The following PCDH15 variants were observed in gnomAD, a reference collection of about 807,000 sequenced individuals.
The protein encoded by PCDH15 is protocadherin-15.
PCDH15 carries 129 observed loss-of-function variants against 178.5 expected under a neutral mutation model. That is an observed-to-expected ratio of 0.72 (90% CI 0.63 to 0.84). PCDH15 has a LOEUF of 0.84. Ranked by LOEUF, PCDH15 falls within the 40% of genes least tolerant of loss-of-function variation. The probability of loss-of-function intolerance (pLI) is 0.00; values close to 1 mark genes in which losing one functional copy is unlikely to be tolerated. For synonymous variants in PCDH15, 800 were observed against 732.0 expected, an observed-to-expected ratio of 1.09 and a Z score of -1.50; for missense variants, 2,230 against 2,099.9, an observed-to-expected ratio of 1.06 and a Z score of -1.21.
chr10:54,319,534 G>A (rs2061464648), intron 7 of PCDH15, among the ~76,000 whole-genome samples: 1 of 152,134 alleles, frequency 6.6e-6, no homozygotes, highest in Non-Finnish European at 1.5e-5. Context: ...GAAAGCAACT[G>A]CATGAGTGGT....
intron 2 of PCDH15, among the ~76,000 whole-genome samples, chr10:55,614,430 G>T (rs1365140629): frequency 6.6e-6 from 1 of 152,098 alleles, no homozygotes; most frequent in African/African-American, 2.4e-5. Flanking sequence ...AAACCAAGTA[G>T]CTACCTAAGT....
intron 18 of PCDH15, among the ~76,000 whole-genome samples, chr10:54,065,556 C>T (rs969489774): frequency 2.6e-5 from 4 of 152,140 alleles, no homozygotes; most frequent in Non-Finnish European, 5.9e-5. Context: ...GCTTGTTGGC[C>T]AGTTGGTATC....
At chr10:55,467,443 GA>G (rs1450634703) in intron 2 of PCDH15, among the ~76,000 whole-genome samples, 1 of 142,592 alleles carries the variant, frequency 7.0e-6, no homozygotes, top group Admixed American at 7.2e-5. Context: ...TGATTAATTT[GA>G]GACCAAAATA....
chr10:54,348,080 C>T (rs1164834752), intron 5 of PCDH15, among the ~76,000 whole-genome samples: 1 of 151,928 alleles, frequency 6.6e-6, no homozygotes, highest in African/African-American at 2.4e-5. Flanking sequence ...GATCTCCTGA[C>T]CTCATGATCT....
At chr10:54,986,805 A>T (rs938353221) in intron 2 of PCDH15, among the ~76,000 whole-genome samples, 94 of 152,292 alleles carry the variant, frequency 6.2e-4, no homozygotes, top group African/African-American at 2.2e-3. Context: ...TATATTTATC[A>T]TGAAATTTTA....
chr10:54,221,725 C>T (rs988622153), intron 9 of PCDH15, among the ~76,000 whole-genome samples: 1 of 152,046 alleles, frequency 6.6e-6, no homozygotes. Context: ...GCCTCAACCC[C>T]CAGAGTAGCT....
chr10:54,047,630 C>T (rs2093682598), intron 18 of PCDH15, among the ~76,000 whole-genome samples: 2 of 151,906 alleles, frequency 1.3e-5, no homozygotes, highest in South Asian at 4.2e-4. Context: ...CCATGTGTAC[C>T]CAGTGTTTCA....
At chr10:54,212,966 G>T (rs2051605726) in intron 10 of PCDH15, among the ~76,000 whole-genome samples, 1 of 152,060 alleles carries the variant, frequency 6.6e-6, no homozygotes, top group African/African-American at 2.4e-5. Flanking sequence ...TGCGGCAACA[G>T]TTCAATGAAA....
At chr10:54,691,850 G>T (rs981502533) in intron 1 of PCDH15, among the ~76,000 whole-genome samples, 2 of 151,916 alleles carry the variant, frequency 1.3e-5, no homozygotes, top group African/African-American at 4.8e-5. Context: ...TAGCTTTACT[G>T]ACTTTACAAT....
At chr10:54,398,545 A>C (rs73251618) in intron 3 of PCDH15, among the ~76,000 whole-genome samples, 4,008 of 152,140 alleles carry the variant, frequency 0.026, 169 homozygotes, top group African/African-American at 0.089. Flanking sequence ...AATTTTAGAA[A>C]AGGTCAAGAC....
chr10:53,969,882 C>T (rs1359116441), intron 21 of PCDH15, among the ~76,000 whole-genome samples: 2 of 152,164 alleles, frequency 1.3e-5, no homozygotes, highest in South Asian at 2.1e-4. Context: ...AAAGGAACAA[C>T]CAGTACCAGC....
intron 1 of PCDH15, among the ~76,000 whole-genome samples, chr10:55,299,838 G>A (rs1009010814): frequency 4.6e-5 from 7 of 151,986 alleles, no homozygotes; most frequent in African/African-American, 1.2e-4. Context: ...CAGCATTCTC[G>A]CCATTAAAAC....
intron 8 of PCDH15, among the ~76,000 whole-genome samples, chr10:54,240,056 A>C (rs761126245): frequency 6.6e-6 from 1 of 152,162 alleles, no homozygotes; most frequent in Non-Finnish European, 1.5e-5. Flanking sequence ...ATTTATATAC[A>C]TTAATTAGAA....
At chr10:53,945,587 A>C (rs2086470724) in intron 23 of PCDH15, among the ~76,000 whole-genome samples, 1 of 151,788 alleles carries the variant, frequency 6.6e-6, no homozygotes, top group Non-Finnish European at 1.5e-5. Context: ...GCCCCATGTA[A>C]CCATTTTTTT....
At chr10:55,354,083 A>C (rs183415042) in intron 2 of PCDH15, among the ~76,000 whole-genome samples, 17 of 152,196 alleles carry the variant, frequency 1.1e-4, no homozygotes, top group Non-Finnish European at 8.8e-5. Flanking sequence ...GGGGAAACCA[A>C]GAATAGAGTT....
chr10:55,151,104 C>A (rs1838699474), intron 2 of PCDH15, among the ~76,000 whole-genome samples: 1 of 152,052 alleles, frequency 6.6e-6, no homozygotes, highest in South Asian at 2.1e-4. Context: ...GATCCCACGG[C>A]ATATTCTTTA....
chr10:54,416,669 T>G (rs1318188490), intron 3 of PCDH15, among the ~76,000 whole-genome samples: 2 of 152,196 alleles, frequency 1.3e-5, no homozygotes, highest in Non-Finnish European at 2.9e-5. Flanking sequence ...TCAAATGGTA[T>G]TTCTGGTTCT....
At chr10:55,337,358 G>A (rs368194945) in intron 2 of PCDH15, among the ~76,000 whole-genome samples, 3 of 152,102 alleles carry the variant, frequency 2.0e-5, no homozygotes, top group Admixed American at 6.6e-5. Flanking sequence ...ACCCAGGGTC[G>A]AGAATATAAA....
chr10:53,966,815 CTAAAA>C (rs1451988514), intron 21 of PCDH15, among the ~76,000 whole-genome samples: 3 of 151,284 alleles, frequency 2.0e-5, no homozygotes, highest in African/African-American at 4.8e-5. Flanking sequence ...GTTTTAAAAA[CTAAAA>C]TAATATAGTA....
Sources: gnomAD v4.1 joint callset for allele counts (sites outside exome capture counted in the v4.1 genomes callset) on GRCh38, gnomAD v4.1.1 for gene constraint, MANE v1.5 for transcripts, NCBI Gene and HGNC (gene_info 2026-07-23, HGNC 2026-07-21) for gene names.